The following EPHX1 variants were observed in gnomAD, a reference collection of about 807,000 sequenced individuals.
EPHX1 encodes the protein epoxide hydratase.
Under a neutral mutation model 43.2 loss-of-function variants are expected in EPHX1, and 40 were observed. That is an observed-to-expected ratio of 0.93 (90% confidence interval 0.72 to 1.21). The LOEUF is 1.21. EPHX1 is among the 50% of genes most tolerant of loss of function. The pLI is 0.00. For missense variants in EPHX1, 550 were observed against 570.4 expected (o/e 0.96, Z 0.36); for synonymous variants, 221 against 226.7 (o/e 0.98, Z 0.22).
At chr1:225,843,855 T>C (rs933488399) in intron 7 of EPHX1, among the ~76,000 whole-genome samples, 57 of 152,356 alleles carry the variant, frequency 3.7e-4, no homozygotes, top group African/African-American at 1.3e-3. Flanking sequence ...TGACCAGTTT[T>C]CATTTTGCCA....
At position 225,845,379 on chromosome 1, in the gene EPHX1, C is replaced by CCCA; in HGVS notation, c.*34_*36dup. The CCCA allele has an allele frequency of 1.3e-6, 2 of 1,543,336 alleles. No homozygotes were observed. Among genetic ancestry groups the CCCA allele is most frequent in the Non-Finnish European group, 1.7e-6 (2 of 1,146,218 alleles). On this transcript the variant is annotated 3_prime_UTR_variant, in exon 9 of 9. Transcript: ENST00000272167. ...CCTCTCCCCCCGCCTGCCACCTCCC[C>CCCA]CCACAAGTGCCCTCCAGGCTTTTCT...
At chr1:225,839,692 C>T (rs1668228968) in intron 5 of EPHX1, 137 bp from the exon 6 acceptor site, 3 of 1,010,964 alleles carry the variant, frequency 3.0e-6, no homozygotes, top group Non-Finnish European at 4.7e-6. Context: ...CCATGGCCTC[C>T]CCAGTGGGGC....
rs1668254796 is a variant in EPHX1, at chr1:225,839,909, T to A, written c.803T>A (p.Phe268Tyr). The A allele has an allele frequency of 4.3e-6, 7 of 1,614,232 alleles. No individual in the cohort carries two copies. The highest frequency in any genetic ancestry group is 3.3e-5 in the Admixed American group (2 of 60,024). ...STLTLLLGQR[F>Y]GRFLGLTERD... Reference sequence around the variant, plus strand: ...CTGACCCTCCTCCTGGGACAGCGTTTCGGGAGGTTTCTTGGCCTCACTGAG... The same window carrying A: ...CTGACCCTCCTCCTGGGACAGCGTTACGGGAGGTTTCTTGGCCTCACTGAG... Residue 268 changes from phenylalanine (F) to tyrosine (Y), a missense_variant, in exon 6 of 9, where the codon TTC (phenylalanine) becomes TAC (tyrosine). Coordinates refer to ENST00000272167, the MANE Select transcript of EPHX1 (RefSeq NM_001136018.4).
intron 8 of EPHX1, among the ~76,000 whole-genome samples, 171 bp downstream of exon 8, chr1:225,844,794 C>T (rs1457267843): frequency 6.6e-6 from 1 of 152,154 alleles, no homozygotes; most frequent in Non-Finnish European, 1.5e-5. Context: ...GGAGAAAGCC[C>T]TCATGGAGGG....
intron 3 of EPHX1, 146 bp downstream of exon 3, chr1:225,832,105 T>C: frequency 1.2e-6 from 1 of 859,198 alleles, no homozygotes; most frequent in Non-Finnish European, 1.9e-6. Context: ...GTAACCTTAC[T>C]AAATGCAAAA....
chr1:225,845,035 C>A, intron 8 of EPHX1, 111 bp from the exon 9 acceptor site: 2 of 1,172,372 alleles, frequency 1.7e-6, no homozygotes, highest in South Asian at 1.2e-5. Flanking sequence ...TTTATGGCTC[C>A]TTGTGGGTGG....
Position 225,812,008 on chromosome 1 carries a change from G to A in EPHX1, c.-6+1839G>A, listed in dbSNP as rs77445469. On this transcript the variant is annotated intron_variant, in intron 1 of 8. Coordinates refer to ENST00000272167, the MANE Select transcript of EPHX1 (RefSeq NM_001136018.4). ...GGGAGAGGAGTGCCAGGTGGAAAGG[G>A]AAGGCCTCACTGAAGGGTGGCACTG... is the stretch of plus-strand genomic sequence containing the variant. Among the ~76,000 whole-genome samples, 1,176 of 152,280 alleles carry A rather than the reference G, an allele frequency of 7.7e-3. 22 individuals are homozygous for A. The highest frequency in any genetic ancestry group is 8.5e-3 in the Non-Finnish European group (577 of 68,006).
chr1:225,817,255 C>T lies in EPHX1; in HGVS notation c.-6+7086C>T, dbSNP rs943789466. ...GGGAGTTCCCCCCAGGGTTTGCCTCCGTCACTCTTGGGCCAGCCAAGGGAG... is the reference window on the plus strand; with the variant it reads ...GGGAGTTCCCCCCAGGGTTTGCCTCTGTCACTCTTGGGCCAGCCAAGGGAG... On this transcript the variant is annotated intron_variant, in intron 1 of 8. Coordinates refer to ENST00000272167, the MANE Select transcript of EPHX1 (RefSeq NM_001136018.4). The surrounding 1 kb of genome is among the most constrained non-coding windows in gnomAD (Gnocchi z 5.7). 2.0e-5 allele frequency among the ~76,000 whole-genome samples: 3 copies of T among 152,178 alleles called. No individual in the cohort carries two copies. The highest frequency in any genetic ancestry group is 1.9e-4 in the East Asian group (1 of 5,188).
Position 225,842,389 on chromosome 1 carries a change from G to A in EPHX1, c.955G>A (p.Val319Met), listed in dbSNP as rs1195910311. 1 of 1,613,736 alleles carries A rather than the reference G, an allele frequency of 6.2e-7. No individual in the cohort carries two copies. The highest frequency in any genetic ancestry group is 1.3e-5 in the African/African-American group (1 of 74,940). ...TVGSALNDSP[V>M]GLAAYILEKF... ...AGGCTCTGCTCTGAATGACTCTCCT[G>A]TGGGTCTGGCTGCCTATATTCTAGA... The change falls in exon 7 of 9, where the codon GTG (valine) becomes ATG (methionine). Residue 319 changes from valine to methionine, a missense_variant. By Grantham distance (21) the Val-to-Met change is conservative. Coordinates refer to ENST00000272167, the MANE Select transcript of EPHX1 (RefSeq NM_001136018.4).
chr1:225,831,662 TC>T, intron 2 of EPHX1, 116 bp from the exon 3 acceptor site: 1 of 996,634 alleles, frequency 1.0e-6, no homozygotes, highest in Non-Finnish European at 1.6e-6. Flanking sequence ...GCCTTGCCAC[TC>T]CCAGAGGGCA....
At chr1:225,821,660 A>G (rs1326176728) in intron 1 of EPHX1, among the ~76,000 whole-genome samples, 4 of 145,478 alleles carry the variant, frequency 2.7e-5, no homozygotes, top group Admixed American at 1.4e-4. Context: ...ACCTGGGCTC[A>G]AGCAATCTTC....
intron 3 of EPHX1, among the ~76,000 whole-genome samples, chr1:225,833,106 C>T (rs1667708403): frequency 6.6e-6 from 1 of 152,208 alleles, no homozygotes; most frequent in Non-Finnish European, 1.5e-5. Context: ...AATCCTCTCG[C>T]CTCAGACCTC....
chr1:225,826,610 T>G (rs1667257431), intron 1 of EPHX1, among the ~76,000 whole-genome samples: 1 of 152,170 alleles, frequency 6.6e-6, no homozygotes, highest in Non-Finnish European at 1.5e-5. Context: ...TGAGGCACTT[T>G]AGAGTTTCAC....
chr1:225,816,101 C>T (rs2102681288), intron 1 of EPHX1, among the ~76,000 whole-genome samples: 1 of 152,252 alleles, frequency 6.6e-6, no homozygotes, highest in East Asian at 1.9e-4. Flanking sequence ...ACCAGCCTGG[C>T]CAACATGGCG....
intron 1 of EPHX1, among the ~76,000 whole-genome samples, chr1:225,810,929 G>A (rs1666449900): frequency 6.6e-6 from 1 of 152,180 alleles, no homozygotes; most frequent in Non-Finnish European, 1.5e-5. Flanking sequence ...TGGATGTGTA[G>A]GTGCAGGCCA....
Position 225,826,447 on chromosome 1 carries a change from C to CAAAAAAAAAA in EPHX1, c.-5-2265_-5-2256dup, listed in dbSNP as rs374232833. Among the ~76,000 whole-genome samples, 59 of 84,146 alleles carry CAAAAAAAAAA rather than the reference C, an allele frequency of 7.0e-4. 1 individual carries two copies. Among genetic ancestry groups the CAAAAAAAAAA allele is most frequent in the African/African-American group, 1.3e-3 (25 of 19,378 alleles). 55.2% of individuals were successfully genotyped at this position (84,146 alleles called of 152,430 possible). A position where few individuals can be genotyped will look rare whatever the true frequency, so the allele number is the denominator to read the frequency against. ...CACTGCACTCTTTGAGACTCTGTCT[C>CAAAAAAAAAA]AAAAAAAAAAAAAAAAAAAAAAGGG... On this transcript the variant is annotated intron_variant, in intron 1 of 8. Transcript: ENST00000272167.
intron 1 of EPHX1, among the ~76,000 whole-genome samples, chr1:225,827,167 A>G (rs1240292643): frequency 6.6e-6 from 1 of 152,154 alleles, no homozygotes; most frequent in African/African-American, 2.4e-5. Context: ...CAGAGTCCCA[A>G]ACATCTGACA....
At chr1:225,844,241 G>A (rs900564973) in intron 7 of EPHX1, among the ~76,000 whole-genome samples, 3 of 152,054 alleles carry the variant, frequency 2.0e-5, no homozygotes, top group Admixed American at 6.6e-5. Flanking sequence ...CAGGAGAGAG[G>A]GGACAGGTGT....
At chr1:225,836,312 G>C (rs752631458) in intron 3 of EPHX1, among the ~76,000 whole-genome samples, 1 of 152,192 alleles carries the variant, frequency 6.6e-6, no homozygotes, top group Non-Finnish European at 1.5e-5. Flanking sequence ...AGAAAATCCT[G>C]GCCGGGTGTG....
Sources: gnomAD v4.1 joint callset for allele counts (sites outside exome capture counted in the v4.1 genomes callset) on GRCh38, gnomAD v4.1.1 for gene constraint, Gnocchi (gnomAD v3.1) non-coding constraint, MANE v1.5 for transcripts, NCBI Gene and HGNC (gene_info 2026-07-23, HGNC 2026-07-21) for gene names.